Variants in SYT16 observed in about 807,000 individuals in gnomAD.
The protein encoded by SYT16 is synaptotagmin-16.
Under a neutral mutation model 61.4 loss-of-function variants are expected in SYT16, and 42 were observed. The observed-to-expected ratio is 0.68, with a 90% CI of 0.53 to 0.89. SYT16 has a LOEUF of 0.89. SYT16 is among the 40% of genes least tolerant of loss of function. The pLI is 0.00. For missense variants in SYT16, 804 were observed against 807.3 expected (o/e 1.00, Z 0.05); for synonymous variants, 314 against 302.3 (o/e 1.04, Z -0.40).
chr14:61,947,787 G>T (rs2050506602), intron 1 of SYT16, among the ~76,000 whole-genome samples: 1 of 152,196 alleles, frequency 6.6e-6, no homozygotes, highest in Non-Finnish European at 1.5e-5. Context: ...TGAGCTTAGT[G>T]TAAAGGCACA....
intron 1 of SYT16, among the ~76,000 whole-genome samples, chr14:61,921,439 C>T (rs1465299814): frequency 6.6e-6 from 1 of 152,206 alleles, no homozygotes; most frequent in Admixed American, 6.5e-5. Context: ...ACCACTTTCC[C>T]AGTCTCAGTC....
At chr14:61,956,651 A>G (rs933470726) in intron 1 of SYT16, among the ~76,000 whole-genome samples, 1 of 152,008 alleles carries the variant, frequency 6.6e-6, no homozygotes, top group Non-Finnish European at 1.5e-5. Context: ...ATTCTGCTCC[A>G]TTGAGCTATC....
Position 62,101,951 on chromosome 14 carries a change from G to A in SYT16, c.*1244G>A, listed in dbSNP as rs879512186. On this transcript the variant is annotated 3_prime_UTR_variant, in exon 8 of 8. Coordinates refer to ENST00000683842, the MANE Select transcript of SYT16 (RefSeq NM_001367656.1). ...AATTTTACATATTTATGCAGTGCAT[G>A]TTTACTTTCCTTATTCATAGGTCTG... 3 of 152,086 alleles carry A rather than the reference G, an allele frequency of 2.0e-5. No homozygotes were observed. Among genetic ancestry groups the A allele is most frequent in the East Asian group, 3.8e-4 (2 of 5,198 alleles). 9.4% of individuals were successfully genotyped at this position (152,086 alleles called of 1,614,324 possible).
At position 62,005,394 on chromosome 14, in the gene SYT16, G is replaced by A. The variant is rs1959330; in HGVS notation, c.523+8852G>A. 9.5e-3 allele frequency among the ~76,000 whole-genome samples: 1,451 copies of A among 152,196 alleles called. 19 individuals carry two copies. Among genetic ancestry groups the A allele is most frequent in the African/African-American group, 0.034 (1,397 of 41,512 alleles). On this transcript the variant is annotated intron_variant, in intron 3 of 7. Coordinates refer to ENST00000683842, the MANE Select transcript of SYT16 (RefSeq NM_001367656.1). ...AGGTAAAAGAGCCCAGGGAACTCAC[G>A]ACTGTGTTGTTCCTTGAGTCCCAAG...
intron 1 of SYT16, among the ~76,000 whole-genome samples, chr14:61,950,509 C>T (rs1016572935): frequency 2.8e-4 from 43 of 152,298 alleles, no homozygotes; most frequent in African/African-American, 1.0e-3. Flanking sequence ...CAGTGCACAG[C>T]CCTTCTGGGT....
chr14:61,983,390 T>C (rs1414098048), intron 2 of SYT16, among the ~76,000 whole-genome samples: 1 of 152,208 alleles, frequency 6.6e-6, no homozygotes, highest in African/African-American at 2.4e-5. Flanking sequence ...AATGAAAAGA[T>C]GACAGGTATT....
chr14:62,038,632 G>A (rs185946460), intron 3 of SYT16, among the ~76,000 whole-genome samples: 9 of 152,206 alleles, frequency 5.9e-5, no homozygotes, highest in East Asian at 3.9e-4. Flanking sequence ...TTGGTTTTGA[G>A]GCCCAGCTCT....
chr14:61,835,866 T>G (rs1352204174), intron 1 of SYT16, among the ~76,000 whole-genome samples: 2 of 152,204 alleles, frequency 1.3e-5, no homozygotes, highest in African/African-American at 2.4e-5. Context: ...AAAATTTTCC[T>G]ACCTGGCTCA....
chr14:61,971,168 T>A (rs1322459240), intron 2 of SYT16, among the ~76,000 whole-genome samples: 6 of 152,196 alleles, frequency 3.9e-5, no homozygotes, highest in Non-Finnish European at 7.3e-5. Context: ...ATAGTTCAGC[T>A]TTTTTGCCTT....
At chr14:62,034,898 CA>C (rs1329678008) in intron 3 of SYT16, among the ~76,000 whole-genome samples, 1 of 152,134 alleles carries the variant, frequency 6.6e-6, no homozygotes, top group African/African-American at 2.4e-5. Context: ...GGCTTCCTCA[CA>C]AACAAAACAA....
chr14:62,030,885 A>G (rs77132542), intron 3 of SYT16, among the ~76,000 whole-genome samples: 18,077 of 152,192 alleles, frequency 0.12, 1,282 homozygotes, highest in African/African-American at 0.2. Flanking sequence ...CAGAGATGCC[A>G]TATCATTTGA....
chr14:61,913,667 A>T lies in SYT16; in HGVS notation c.-324-56465A>T, dbSNP rs146339204. On this transcript the variant is annotated intron_variant, in intron 1 of 7. Coordinates refer to ENST00000683842, the MANE Select transcript of SYT16 (RefSeq NM_001367656.1). ...ACACTAGTTTTAGCCTCAACTAAAAATGATAGAAGAAAATAAGATCATCCT... is the reference window on the plus strand; with the variant it reads ...ACACTAGTTTTAGCCTCAACTAAAATTGATAGAAGAAAATAAGATCATCCT... Among the ~76,000 whole-genome samples the T allele has an allele frequency of 2.7e-4, 41 of 151,860 alleles. 1 individual carries two copies. The East Asian group carries it at 8.0e-3, about 29-fold the overall frequency.
chr14:61,812,208 G>C (rs1317021789), upstream of SYT16: 1 of 152,320 alleles, frequency 6.6e-6, no homozygotes, highest in Admixed American at 6.5e-5. Flanking sequence ...TTTCGCAGGA[G>C]AGCTCCTGCC....
chr14:62,091,476 A>G (rs903173300), intron 7 of SYT16, among the ~76,000 whole-genome samples: 1 of 152,210 alleles, frequency 6.6e-6, no homozygotes, highest in Admixed American at 6.5e-5. Context: ...CGGTAGGAAA[A>G]ATGACTACTA....
At chr14:61,826,951 C>G (rs754557329) in intron 1 of SYT16, among the ~76,000 whole-genome samples, 2 of 151,928 alleles carry the variant, frequency 1.3e-5, no homozygotes, top group Non-Finnish European at 2.9e-5. Flanking sequence ...AGAAAGCTCT[C>G]GTGTTTTTTC....
chr14:61,864,794 C>G, intron 1 of SYT16: 1 of 944,426 alleles, frequency 1.1e-6, no homozygotes. Context: ...TGTCTGCCAG[C>G]GCCTGGAGGG....
At chr14:62,053,191 A>G (rs1405164570) in intron 3 of SYT16, among the ~76,000 whole-genome samples, 1 of 152,232 alleles carries the variant, frequency 6.6e-6, no homozygotes, top group Non-Finnish European at 1.5e-5. Context: ...GATTGTTGGT[A>G]GAAATGTGAA....
intron 1 of SYT16, among the ~76,000 whole-genome samples, chr14:61,845,204 T>C (rs951749023): frequency 6.6e-6 from 1 of 151,986 alleles, no homozygotes; most frequent in African/African-American, 2.4e-5. Context: ...TCTGCCACCA[T>C]GCCCAGCTAA....
At chr14:61,849,205 T>C (rs1302504894) in intron 1 of SYT16, among the ~76,000 whole-genome samples, 1 of 152,162 alleles carries the variant, frequency 6.6e-6, no homozygotes, top group Non-Finnish European at 1.5e-5. Context: ...AAATTGTCTT[T>C]ACTCTTCTCT....
Sources: allele counts gnomAD v4.1 joint callset (sites outside exome capture counted in the v4.1 genomes callset), GRCh38; gene constraint gnomAD v4.1.1; transcripts MANE v1.5; gene names NCBI Gene and HGNC (gene_info 2026-07-23, HGNC 2026-07-21).